STAU2: variants seen among roughly 807,000 people sequenced by gnomAD.
The protein encoded by STAU2 is double-stranded RNA-binding protein Staufen homolog 2.
Under a neutral mutation model 65.9 loss-of-function variants are expected in STAU2, and 20 were observed. The observed-to-expected ratio is 0.30, with a 90% confidence interval of 0.21 to 0.44. The LOEUF (loss-of-function observed/expected upper bound fraction) is 0.44, where lower values mean the gene tolerates loss of function less well. Among genes scored for constraint, STAU2 ranks in the 20% least tolerant of loss-of-function variants. The pLI, the probability that STAU2 is intolerant of heterozygous loss-of-function variation, is 1.00. For synonymous variants in STAU2, 232 were observed against 233.9 expected (o/e 0.99, Z 0.07); for missense variants, 558 against 683.9 (o/e 0.82, Z 2.05).
intron 13 of STAU2, among the ~76,000 whole-genome samples, chr8:73,515,770 TCTC>T (rs140736588): frequency 8.6e-6 from 1 of 115,772 alleles, no homozygotes; most frequent in African/African-American, 3.1e-5. Flanking sequence ...TGAAAAAATT[TCTC>T]TTTTTTTTTT....
At chr8:73,674,382 G>GA (rs923350767) in intron 5 of STAU2, among the ~76,000 whole-genome samples, 22 of 150,134 alleles carry the variant, frequency 1.5e-4, no homozygotes, top group South Asian at 6.3e-4. Flanking sequence ...ATCCTAAAGA[G>GA]AAAAAAAAAT....
intron 13 of STAU2, among the ~76,000 whole-genome samples, chr8:73,526,849 G>C (rs969304609): frequency 3.9e-5 from 6 of 152,112 alleles, no homozygotes; most frequent in African/African-American, 1.4e-4. Context: ...CAGATTTTTA[G>C]CTTTATTTCA....
At chr8:73,724,461 A>AAACCATACTG (rs1805481046) in intron 3 of STAU2, among the ~76,000 whole-genome samples, 1 of 152,116 alleles carries the variant, frequency 6.6e-6, no homozygotes, top group African/African-American at 2.4e-5. Flanking sequence ...CACTCAGTAG[A>AAACCATACTG]AACCATACTG....
intron 6 of STAU2, among the ~76,000 whole-genome samples, chr8:73,633,939 C>T (rs1814299086): frequency 6.6e-6 from 1 of 152,018 alleles, no homozygotes; most frequent in East Asian, 1.9e-4. Context: ...GATCATGCCA[C>T]GGAACTCCAG....
Position 73,422,226 on chromosome 8 carries a change from C to A in STAU2, c.1619+388G>T, listed in dbSNP as rs936700076. Among the ~76,000 whole-genome samples the A allele has an allele frequency of 1.5e-4, 23 of 152,328 alleles. No individual in the cohort carries two copies. In the East Asian group the frequency reaches 3.9e-3, roughly 26 times the overall value. On this transcript the variant is annotated intron_variant, in intron 14 of 14. Transcript: ENST00000524300. ...TCAACTTCTTTTTCTTTTCTCTCCG[C>A]TTTGCCCACAACTTAGCAGGAATGT... is the stretch of plus-strand genomic sequence containing the variant.
intron 6 of STAU2, among the ~76,000 whole-genome samples, chr8:73,638,986 T>C (rs570224220): frequency 1.3e-5 from 2 of 151,986 alleles, no homozygotes; most frequent in Non-Finnish European, 2.9e-5. Context: ...AAACTGCTTG[T>C]TGAACATACA....
At chr8:73,593,236 C>T (rs2128969321) in intron 11 of STAU2, among the ~76,000 whole-genome samples, 1 of 152,312 alleles carries the variant, frequency 6.6e-6, no homozygotes, top group Non-Finnish European at 1.5e-5. Context: ...CAAATCCATG[C>T]TCCCCATTAC....
intron 12 of STAU2, among the ~76,000 whole-genome samples, chr8:73,563,091 C>T (rs1261186420): frequency 6.6e-6 from 1 of 152,050 alleles, no homozygotes; most frequent in Non-Finnish European, 1.5e-5. Flanking sequence ...CACCTTAGTC[C>T]AGCCAAATAC....
At chr8:73,494,051 C>T (rs1037238289) in intron 13 of STAU2, among the ~76,000 whole-genome samples, 5 of 151,484 alleles carry the variant, frequency 3.3e-5, no homozygotes, top group East Asian at 1.9e-4. Flanking sequence ...TGAAAAGGGA[C>T]GTGAAGGAAC....
chr8:73,573,233 G>C (rs1437975555), intron 12 of STAU2, among the ~76,000 whole-genome samples: 4 of 152,112 alleles, frequency 2.6e-5, no homozygotes, highest in East Asian at 1.9e-4. Context: ...CTACAAACCA[G>C]TGCTCAACAA....
At chr8:73,593,890 C>T (rs1810998045) in intron 11 of STAU2, among the ~76,000 whole-genome samples, 1 of 151,756 alleles carries the variant, frequency 6.6e-6, no homozygotes, top group African/African-American at 2.4e-5. Flanking sequence ...TACACACACA[C>T]ACACACACAC....
intron 13 of STAU2, among the ~76,000 whole-genome samples, chr8:73,434,428 G>A (rs560190672): frequency 3.3e-5 from 5 of 151,958 alleles, no homozygotes; most frequent in Admixed American, 2.6e-4. Context: ...GTGGCAATTC[G>A]TTAAGGTAGC....
At chr8:73,541,423 C>A (rs1350276247) in intron 13 of STAU2, among the ~76,000 whole-genome samples, 17 of 152,212 alleles carry the variant, frequency 1.1e-4, no homozygotes, top group Admixed American at 8.5e-4. Flanking sequence ...ATAAAGCTTG[C>A]AGTTTTAGCT....
At chr8:73,593,159 A>G (rs772351236) in intron 11 of STAU2, among the ~76,000 whole-genome samples, 4 of 152,014 alleles carry the variant, frequency 2.6e-5, no homozygotes, top group Non-Finnish European at 5.9e-5. Flanking sequence ...CAGACCCTCA[A>G]TATCTCTCAC....
chr8:73,489,973 ATCT>A (rs915208174), intron 13 of STAU2, among the ~76,000 whole-genome samples: 1 of 152,070 alleles, frequency 6.6e-6, no homozygotes, highest in Non-Finnish European at 1.5e-5. Context: ...TGCATATAAA[ATCT>A]TCTCAGAAAG....
chr8:73,648,882 C>G (rs937756199), intron 6 of STAU2, among the ~76,000 whole-genome samples: 5 of 152,200 alleles, frequency 3.3e-5, no homozygotes, highest in Non-Finnish European at 1.5e-5. Context: ...TCATAGCTCA[C>G]TGCAGCCTCA....
At chr8:73,695,291 C>T (rs938450515) in intron 4 of STAU2, among the ~76,000 whole-genome samples, 16 of 152,182 alleles carry the variant, frequency 1.1e-4, no homozygotes, top group African/African-American at 3.9e-4. Context: ...TAGGATAAGG[C>T]ACCAGGCAGA....
intron 6 of STAU2, among the ~76,000 whole-genome samples, chr8:73,630,045 A>G (rs981810736): frequency 1.3e-5 from 2 of 152,238 alleles, no homozygotes; most frequent in African/African-American, 4.8e-5. Flanking sequence ...AACATTTGCT[A>G]AAATAGTACA....
chr8:73,660,414 G>A (rs1816743861), intron 6 of STAU2, among the ~76,000 whole-genome samples: 1 of 152,228 alleles, frequency 6.6e-6, no homozygotes, highest in African/African-American at 2.4e-5. Context: ...GGGTGACAGA[G>A]CGAGACACCG....
Sources: allele counts gnomAD v4.1 joint callset (sites outside exome capture counted in the v4.1 genomes callset), GRCh38; gene constraint gnomAD v4.1.1; transcripts MANE v1.5; gene names NCBI Gene and HGNC (gene_info 2026-07-23, HGNC 2026-07-21).